The following SEC13 variants were observed in gnomAD, a reference collection of about 807,000 sequenced individuals.
The protein encoded by SEC13 is protein SEC13 homolog.
A neutral mutation model predicts 49.2 loss-of-function variants in SEC13; 25 were observed. The ratio of observed to expected loss-of-function variants is 0.51; its 90% confidence interval spans 0.37 to 0.71. SEC13 has a LOEUF of 0.71. Among genes scored for constraint, SEC13 ranks in the 30% least tolerant of loss-of-function variants. SEC13 has a pLI of 0.00. For synonymous variants in SEC13, 148 were observed against 163.9 expected (o/e 0.90, Z 0.74); for missense variants, 383 against 417.6 (o/e 0.92, Z 0.72).
At chr3:10,305,746 C>T (rs1700834229) in intron 5 of SEC13, 54 bp from the exon 6 acceptor site, 2 of 1,604,478 alleles carry the variant, frequency 1.2e-6, no homozygotes, top group Non-Finnish European at 8.5e-7. Flanking sequence ...ACTGCTTCTG[C>T]AGACCCAAGC....
chr3:10,307,482 C>T (rs1400321763), intron 5 of SEC13, among the ~76,000 whole-genome samples: 2 of 152,120 alleles, frequency 1.3e-5, no homozygotes, highest in African/African-American at 4.8e-5. Context: ...GTTTAATGGA[C>T]TTACAGCTCC....
chr3:10,309,025 A>T (rs888433039), intron 5 of SEC13, among the ~76,000 whole-genome samples: 2 of 142,616 alleles, frequency 1.4e-5, no homozygotes, highest in African/African-American at 5.3e-5. Context: ...GCAACCTCTG[A>T]CTCCCGGGTT....
At chr3:10,305,521 G>A in intron 6 of SEC13, 38 bp downstream of exon 6, 1 of 1,609,304 alleles carries the variant, frequency 6.2e-7, no homozygotes, top group Non-Finnish European at 8.5e-7. Context: ...AAGGGTAGAA[G>A]TGTCCCCTCA....
chr3:10,317,901 G>A (rs1022836581), intron 2 of SEC13, 149 bp downstream of exon 2: 20 of 585,088 alleles, frequency 3.4e-5, no homozygotes, highest in African/African-American at 2.6e-4. Context: ...GCCATACCCC[G>A]AGATTACAGG....
At chr3:10,302,187 G>A (rs1359557839) in intron 8 of SEC13, among the ~76,000 whole-genome samples, 1 of 152,164 alleles carries the variant, frequency 6.6e-6, no homozygotes, top group Non-Finnish European at 1.5e-5. Context: ...GCAGTGAGCC[G>A]AGACTGCGCC....
At position 10,304,050 on chromosome 3, in the gene SEC13, C is replaced by G; in HGVS notation, c.831G>C (p.Leu277=). ...CCTTATTGTCTCCACCAGAGACAGC[C>G]AGGATGTTGGCTGTGATGGACCAGC... The part of the protein sequence containing the change: ...HVSWSITANI[L]AVSGGDNKVT... Residue 277 remains leucine (L), a synonymous_variant, in exon 8 of 9, where the codon CTG becomes CTC. Coordinates refer to ENST00000350697, the MANE Select transcript of SEC13 (RefSeq NM_183352.3). 6.2e-7 allele frequency: 1 copy of G among 1,614,160 alleles called. No homozygotes were observed. The highest frequency in any genetic ancestry group is 8.5e-7 in the Non-Finnish European group (1 of 1,180,040).
chr3:10,307,458 CA>C (rs926472412), intron 5 of SEC13, among the ~76,000 whole-genome samples: 1 of 151,424 alleles, frequency 6.6e-6, no homozygotes, highest in East Asian at 1.9e-4. Flanking sequence ...GGGCAGTTTA[CA>C]AAAAAAAGAG....
rs766079123 is a variant in SEC13, at chr3:10,318,031, G to A, written c.48+19C>T. On this transcript the variant is annotated intron_variant, in intron 2 of 8. Coordinates refer to ENST00000350697, the MANE Select transcript of SEC13 (RefSeq NM_183352.3). ...GCCCATGTCCACACCCCTCCAGGGA[G>A]GGTGATATTAATACTTACAATCATG... 2.5e-6 allele frequency: 4 copies of A among 1,576,442 alleles called. No individual in the cohort carries two copies. The highest frequency in any genetic ancestry group is 1.3e-5 in the African/African-American group (1 of 74,086).
chr3:10,313,190 A>C, intron 3 of SEC13: 1 of 217,364 alleles, frequency 4.6e-6, no homozygotes, highest in Non-Finnish European at 9.9e-6. Context: ...CTACTCTTTT[A>C]ATTTGTTCGA....
chr3:10,320,749 C>T (rs1484796946), intron 1 of SEC13: 3 of 1,294,834 alleles, frequency 2.3e-6, no homozygotes, highest in African/African-American at 1.5e-5. Flanking sequence ...GCTCGGTATA[C>T]AGTAGCTCCT....
intron 7 of SEC13, among the ~76,000 whole-genome samples, 167 bp downstream of exon 7, chr3:10,304,866 T>TCC (rs1700767737): frequency 6.6e-6 from 1 of 152,202 alleles, no homozygotes; most frequent in Non-Finnish European, 1.5e-5. Context: ...ACTTGTGGCT[T>TCC]CTGACCAAGA....
Position 10,304,030 on chromosome 3 carries a change from T to C in SEC13, c.851A>G (p.Asn284Ser). 1 of 1,614,068 alleles carries C rather than the reference T, an allele frequency of 6.2e-7. No individual in the cohort carries two copies. The highest frequency in any genetic ancestry group is 8.5e-7 in the Non-Finnish European group (1 of 1,179,998). ...ANILAVSGGD[N>S]KVTLWKESVD... ...CCACGGGGAATGGGTATGTACCTTA[T>C]TGTCTCCACCAGAGACAGCCAGGAT... The change falls in exon 8 of 9, where the codon AAT becomes AGT. Residue 284 changes from asparagine (N) to serine (S), a missense_variant. Asn to Ser is a conservative substitution (Grantham distance 46). Coordinates refer to ENST00000350697, the MANE Select transcript of SEC13 (RefSeq NM_183352.3).
chr3:10,314,035 G>A (rs1231008037), intron 3 of SEC13: 1 of 152,474 alleles, frequency 6.6e-6, no homozygotes, highest in Admixed American at 6.5e-5. Context: ...TTCTGGGGAA[G>A]GTTATGGACC....
chr3:10,316,363 C>G (rs370424683), intron 2 of SEC13, among the ~76,000 whole-genome samples: 1 of 152,212 alleles, frequency 6.6e-6, no homozygotes, highest in Non-Finnish European at 1.5e-5. Flanking sequence ...GGCACTCATT[C>G]TGTCTGGCTC....
At chr3:10,307,761 G>A (rs1414527033) in intron 5 of SEC13, among the ~76,000 whole-genome samples, 1 of 152,048 alleles carries the variant, frequency 6.6e-6, no homozygotes, top group Non-Finnish European at 1.5e-5. Context: ...ACATCATGGG[G>A]CTTTGCCATG....
intron 1 of SEC13, 96 bp from the exon 2 acceptor site, chr3:10,318,190 C>CATTT (rs1426814579): frequency 1.3e-6 from 1 of 798,838 alleles, no homozygotes; most frequent in Non-Finnish European, 2.2e-6. Context: ...CTCACTCATT[C>CATTT]ATTCATTCAT....
chr3:10,319,045 ATT>A (rs758453966), intron 1 of SEC13: 3 of 1,150,806 alleles, frequency 2.6e-6, no homozygotes, highest in Non-Finnish European at 3.7e-6. Flanking sequence ...AAAAGCTGTT[ATT>A]TTTTTTCTTT....
chr3:10,312,740 GA>G lies in SEC13; in HGVS notation c.165-11del, dbSNP rs1428791797. On this transcript the variant is annotated splice_polypyrimidine_tract_variant and intron_variant, in intron 3 of 8. Transcript: ENST00000350697. ...CACAGGACCCTCATGACTACAAAGG[GA>G]GAGATAGGCCAGAGGAACCCACAGT... The G allele has an allele frequency of 6.2e-7, 1 of 1,614,068 alleles. No homozygotes were observed. The highest frequency in any genetic ancestry group is 1.3e-5 in the African/African-American group (1 of 75,044).
At chr3:10,320,593 A>G (rs931105384) in intron 1 of SEC13, 14 of 991,426 alleles carry the variant, frequency 1.4e-5, no homozygotes, top group Non-Finnish European at 1.7e-5. Context: ...AGGAGGGTTC[A>G]AATCTCGGCT....
Sources: gnomAD v4.1 joint callset for allele counts (sites outside exome capture counted in the v4.1 genomes callset) on GRCh38, gnomAD v4.1.1 for gene constraint, MANE v1.5 for transcripts, NCBI Gene and HGNC (gene_info 2026-07-23, HGNC 2026-07-21) for gene names.